The following PCNT variants were observed in gnomAD, a reference collection of about 807,000 sequenced individuals.
The protein encoded by PCNT is kendrin.
Under a neutral mutation model 380.4 loss-of-function variants are expected in PCNT, and 319 were observed. The ratio of observed to expected loss-of-function variants is 0.84; its 90% CI spans 0.77 to 0.92. The LOEUF (loss-of-function observed/expected upper bound fraction) is 0.92. Ranked by LOEUF, PCNT falls within the 40% of genes least tolerant of loss-of-function variation. The pLI, the probability that PCNT is intolerant of heterozygous loss-of-function variation, is 0.00. For synonymous variants in PCNT, 1,845 were observed against 1,735.2 expected (o/e 1.06, Z -1.57); for missense variants, 4,400 against 4,255.3 (o/e 1.03, Z -0.95).
At chr21:46,412,219 C>T (rs2086812778) in intron 28 of PCNT, 152 bp downstream of exon 28, 1 of 832,702 alleles carries the variant, frequency 1.2e-6, no homozygotes, top group South Asian at 1.7e-5. Context: ...GAAGCTCGGG[C>T]CAGCCTGGGC....
intron 27 of PCNT, among the ~76,000 whole-genome samples, chr21:46,407,462 C>T (rs2086654487): frequency 6.6e-6 from 1 of 151,550 alleles, no homozygotes; most frequent in African/African-American, 2.4e-5. Context: ...CTGCCTCAGC[C>T]TCCCGAGTAG....
intron 2 of PCNT, among the ~76,000 whole-genome samples, chr21:46,332,881 G>A (rs1054997133): frequency 6.6e-6 from 1 of 152,188 alleles, no homozygotes; most frequent in East Asian, 1.9e-4. Context: ...TGCTGAGGTG[G>A]GAGGATTGCT....
At chr21:46,383,866 G>T (rs193105001) in intron 16 of PCNT, among the ~76,000 whole-genome samples, 2 of 139,572 alleles carry the variant, frequency 1.4e-5, no homozygotes, top group Non-Finnish European at 3.1e-5. Context: ...ATTCAGTGAC[G>T]GAAGCGCATT....
At position 46,353,875 on chromosome 21, in the gene PCNT, T is replaced by A. The variant is rs989608331; in HGVS notation, c.1680-112T>A. 5.5e-6 allele frequency: 5 copies of A among 907,870 alleles called. No individual in the cohort carries two copies. In the African/African-American group the frequency reaches 6.6e-5, roughly 12 times the overall value. The allele number at this position is 907,870 out of a possible 1,614,324, so 56.2% of individuals were successfully genotyped here. A position where few individuals can be genotyped will look rare whatever the true frequency, so the allele number is the denominator to read the frequency against. ...CACATGGACATTGCCCGTCCTTGACTGGAAGCACGAGGAGGCGCCTCTGCT... is the reference window on the plus strand; with the variant it reads ...CACATGGACATTGCCCGTCCTTGACAGGAAGCACGAGGAGGCGCCTCTGCT... On this transcript the variant is annotated intron_variant, in intron 10 of 46. Coordinates refer to ENST00000359568, the MANE Select transcript of PCNT (RefSeq NM_006031.6).
intron 2 of PCNT, among the ~76,000 whole-genome samples, chr21:46,327,373 T>C (rs1039194493): frequency 1.3e-5 from 2 of 150,346 alleles, no homozygotes; most frequent in African/African-American, 4.9e-5. Context: ...GTTTTATTCT[T>C]AATAAATTTG....
rs1219693835 is a variant in PCNT, at chr21:46,359,491, G to GTTTTTTTTTTTT, written c.2154+2305_2154+2316dup. 2.3e-4 allele frequency among the ~76,000 whole-genome samples: 15 copies of GTTTTTTTTTTTT among 66,070 alleles called. 1 individual carries two copies. The highest frequency in any genetic ancestry group is 0.016 in the Middle Eastern group (1 of 62). The allele number at this position is 66,070 out of a possible 152,430, so 43.3% of individuals were successfully genotyped here. A position where few individuals can be genotyped will look rare whatever the true frequency, so the allele number is the denominator to read the frequency against. On this transcript the variant is annotated intron_variant, in intron 13 of 46. Coordinates refer to ENST00000359568, the MANE Select transcript of PCNT (RefSeq NM_006031.6). Reference sequence around the variant, plus strand: ...CCAAAAATACACCTGTTTTTTTTTTGTTTTTTTTTTTTTTTTGAGACAGTG... The same window carrying GTTTTTTTTTTTT: ...CCAAAAATACACCTGTTTTTTTTTTGTTTTTTTTTTTTTTTTTTTTTTTTTTTTGAGACAGTG...
At chr21:46,354,188 T>G in intron 11 of PCNT, 120 bp downstream of exon 11, 1 of 861,468 alleles carries the variant, frequency 1.2e-6, no homozygotes, top group Non-Finnish European at 1.9e-6. Context: ...GGAGGAAGGC[T>G]GCTTGCGGAT....
intron 21 of PCNT, chr21:46,394,408 C>A: frequency 2.3e-6 from 1 of 432,506 alleles, no homozygotes; most frequent in Non-Finnish European, 3.1e-6. Context: ...TTGCCCAGAG[C>A]CCTGCTGCTG....
intron 40 of PCNT, among the ~76,000 whole-genome samples, 180 bp downstream of exon 40, chr21:46,437,261 G>A (rs375470783): frequency 1.3e-5 from 2 of 152,044 alleles, no homozygotes; most frequent in Non-Finnish European, 2.9e-5. Context: ...GAGTGGGGAC[G>A]GATGTCCTCC....
intron 38 of PCNT, among the ~76,000 whole-genome samples, chr21:46,435,682 A>G (rs1246086563): frequency 6.6e-6 from 1 of 151,918 alleles, no homozygotes; most frequent in Non-Finnish European, 1.5e-5. Context: ...AGCTGGGACT[A>G]CAGGCGCCCG....
intron 37 of PCNT, 91 bp downstream of exon 37, chr21:46,430,748 C>T (rs961677243): frequency 1.3e-6 from 2 of 1,543,640 alleles, no homozygotes; most frequent in South Asian, 2.4e-5. Context: ...TTTTCCTGTT[C>T]TTCATGGCAG....
chr21:46,344,267 G>T (rs1272181387), intron 3 of PCNT, among the ~76,000 whole-genome samples: 5 of 151,846 alleles, frequency 3.3e-5, no homozygotes, highest in Non-Finnish European at 5.9e-5. Context: ...GTAGAGAGAG[G>T]GTTTCACCAT....
At chr21:46,424,679 C>T (rs2087411258) in intron 32 of PCNT, among the ~76,000 whole-genome samples, 1 of 151,540 alleles carries the variant, frequency 6.6e-6, no homozygotes, top group Non-Finnish European at 1.5e-5. Context: ...CAGGGCCTGC[C>T]CGCCGCCCTG....
At chr21:46,412,639 G>A (rs1012111114) in intron 28 of PCNT, among the ~76,000 whole-genome samples, 198 bp from the exon 29 acceptor site, 2 of 152,200 alleles carry the variant, frequency 1.3e-5, no homozygotes, top group Non-Finnish European at 2.9e-5. Context: ...CCTGGGTCGG[G>A]GCAGCTTTCT....
rs771032442 is a variant in PCNT at position 46,397,403 on chromosome 21, G to A, written c.4355G>A (p.Gly1452Glu). 1.1e-5 allele frequency: 17 copies of A among 1,614,066 alleles called. No individual in the cohort carries two copies. In the East Asian group the frequency reaches 3.6e-4, roughly 34 times the overall value. The change falls in exon 22 of 47, where the codon GGG (glycine) becomes GAG (glutamate). Residue 1452 changes from glycine (G) to glutamate (E), a missense_variant. Gly to Glu is a moderately conservative substitution (Grantham distance 98). Transcript: ENST00000359568. ...GAAGAACAGCTGTCTCAGCATCGCGGGTGTGCCAAGCAGGCGGAGGCCGTC... is the reference window on the plus strand; with the variant it reads ...GAAGAACAGCTGTCTCAGCATCGCGAGTGTGCCAAGCAGGCGGAGGCCGTC... Reference protein sequence around the residue: ...ELEEQLSQHRGCAKQAEAVTA... With the variant: ...ELEEQLSQHRECAKQAEAVTA...
chr21:46,424,719 C>CG (rs1459032019), intron 32 of PCNT, among the ~76,000 whole-genome samples: 2 of 144,466 alleles, frequency 1.4e-5, no homozygotes, highest in Non-Finnish European at 3.0e-5. Flanking sequence ...ACTGCGCCCC[C>CG]CCCAACCCTG....
chr21:46,378,343 C>T (rs2085398831), intron 15 of PCNT, among the ~76,000 whole-genome samples: 1 of 152,206 alleles, frequency 6.6e-6, no homozygotes, highest in Admixed American at 6.5e-5. Context: ...TGAAAGGCAT[C>T]ACTCTATGGT....
At chr21:46,382,891 C>A (rs113357962) in intron 16 of PCNT, among the ~76,000 whole-genome samples, 3 of 129,978 alleles carry the variant, frequency 2.3e-5, no homozygotes, top group African/African-American at 1.1e-4. Flanking sequence ...GTGGCGGAAG[C>A]GCATTCACGG....
chr21:46,414,085 G>A (rs2086912847), intron 29 of PCNT, among the ~76,000 whole-genome samples: 3 of 151,484 alleles, frequency 2.0e-5, no homozygotes, highest in Non-Finnish European at 4.4e-5. Context: ...TCTGCCTCCC[G>A]AGTTCAAGTG....
Sources: gnomAD v4.1 joint callset for allele counts (sites outside exome capture counted in the v4.1 genomes callset) on GRCh38, gnomAD v4.1.1 for gene constraint, MANE v1.5 for transcripts, NCBI Gene and HGNC (gene_info 2026-07-23, HGNC 2026-07-21) for gene names.